Variants in IL1RAPL1 observed in about 807,000 individuals in gnomAD.
IL1RAPL1 encodes the protein interleukin-1 receptor accessory protein-like 1.
Under a neutral mutation model 48.4 loss-of-function variants are expected in IL1RAPL1, and 3 were observed. That is an observed-to-expected ratio of 0.06 (90% CI 0.03 to 0.16). The LOEUF (loss-of-function observed/expected upper bound fraction) is 0.16. IL1RAPL1 is among the 10% of genes least tolerant of loss of function. The probability of loss-of-function intolerance (pLI) is 1.00; values close to 1 mark genes in which losing one functional copy is unlikely to be tolerated. For synonymous variants in IL1RAPL1, 185 were observed against 187.7 expected, an observed-to-expected ratio of 0.99 and a Z score of 0.12; for missense variants, 349 against 530.6, an observed-to-expected ratio of 0.66 and a Z score of 3.36.
intron 6 of IL1RAPL1, among the ~76,000 whole-genome samples, chrX:29,857,688 G>A (rs1931500663): frequency 9.0e-6 from 1 of 111,502 alleles, no homozygotes; most frequent in African/African-American, 3.3e-5. Context: ...AGATTGAGAG[G>A]GGAAAAGCAT....
chrX:29,547,199 A>G (rs113291914), intron 5 of IL1RAPL1, among the ~76,000 whole-genome samples: 11,667 of 111,311 alleles, frequency 0.1, 1,152 homozygotes, highest in African/African-American at 0.3. Context: ...TTTTTTATAA[A>G]TAATTATATT....
intron 1 of IL1RAPL1, among the ~76,000 whole-genome samples, chrX:28,746,492 A>G (rs189788530): frequency 8.1e-4 from 91 of 111,963 alleles, no homozygotes; most frequent in Non-Finnish European, 1.5e-3. Flanking sequence ...TACATCTCCA[A>G]TCTTTTAATT....
At chrX:28,907,093 G>T (rs1923237657) in intron 2 of IL1RAPL1, among the ~76,000 whole-genome samples, 1 of 110,506 alleles carries the variant, frequency 9.0e-6, no homozygotes, top group Non-Finnish European at 1.9e-5. Context: ...TCTTTGTCTT[G>T]TTGGGGAAGT....
chrX:29,443,231 G>GCGCTCTCTCTCTCT (rs746994199), intron 5 of IL1RAPL1, among the ~76,000 whole-genome samples: 1 of 93,964 alleles, frequency 1.1e-5, no homozygotes, highest in Non-Finnish European at 2.1e-5. Flanking sequence ...GCTCTCGCTT[G>GCGCTCTCTCTCTCT]CTCTCTCTCT....
chrX:29,281,778 G>A (rs1181417882), intron 2 of IL1RAPL1, among the ~76,000 whole-genome samples: 1 of 112,172 alleles, frequency 8.9e-6, no homozygotes, highest in African/African-American at 3.2e-5. Flanking sequence ...GTAATGAAGG[G>A]ATTGGCTAGC....
intron 6 of IL1RAPL1, among the ~76,000 whole-genome samples, chrX:29,910,220 T>TGAGGGTG (rs1268380899): frequency 1.8e-5 from 2 of 110,392 alleles, no homozygotes; most frequent in Non-Finnish European, 3.8e-5. Flanking sequence ...CAGGTATACT[T>TGAGGGTG]GAGGGTGGAG....
intron 2 of IL1RAPL1, among the ~76,000 whole-genome samples, chrX:28,875,498 A>G (rs375391798): frequency 8.9e-5 from 10 of 112,020 alleles, no homozygotes; most frequent in African/African-American, 2.6e-4. Context: ...CTCTTGCTAT[A>G]TGTCTATTTC....
At chrX:28,805,471 C>G in intron 2 of IL1RAPL1, among the ~76,000 whole-genome samples, 1 of 111,342 alleles carries the variant, frequency 9.0e-6, no homozygotes, top group East Asian at 2.8e-4. Flanking sequence ...TTTCAAATGT[C>G]TTCTACCCTT....
intron 1 of IL1RAPL1, among the ~76,000 whole-genome samples, chrX:28,729,111 A>G (rs1303578797): frequency 1.8e-5 from 2 of 112,103 alleles, no homozygotes; most frequent in East Asian, 2.8e-4. Context: ...TAATTTGTGC[A>G]AATTTAAAAT....
chrX:29,106,637 C>T (rs1033707320), intron 2 of IL1RAPL1, among the ~76,000 whole-genome samples: 1 of 110,680 alleles, frequency 9.0e-6, no homozygotes, highest in Non-Finnish European at 1.9e-5. Flanking sequence ...TAATATTTCC[C>T]TTTGTATGTA....
intron 2 of IL1RAPL1, among the ~76,000 whole-genome samples, chrX:29,028,501 T>A (rs990103811): frequency 1.8e-5 from 2 of 109,861 alleles, no homozygotes; most frequent in African/African-American, 6.6e-5. Flanking sequence ...TTGGCCAGGA[T>A]GGTCTCGATC....
chrX:28,655,188 A>G (rs1414203392), intron 1 of IL1RAPL1, among the ~76,000 whole-genome samples: 1 of 111,680 alleles, frequency 9.0e-6, no homozygotes, highest in Non-Finnish European at 1.9e-5. Context: ...GGAAGAGCTG[A>G]TGAAACCAGG....
At chrX:29,585,609 A>G (rs184603843) in intron 5 of IL1RAPL1, among the ~76,000 whole-genome samples, 10 of 112,103 alleles carry the variant, frequency 8.9e-5, no homozygotes, top group Admixed American at 2.8e-4. Context: ...ACTGTTCTCC[A>G]TAACAGCTGT....
chrX:29,877,450 A>T (rs1931931141), intron 6 of IL1RAPL1, among the ~76,000 whole-genome samples: 1 of 112,080 alleles, frequency 8.9e-6, no homozygotes, highest in South Asian at 3.7e-4. Flanking sequence ...AGTTTGTAGA[A>T]GGGTCAAAAT....
At chrX:29,075,204 A>G (rs1927643511) in intron 2 of IL1RAPL1, among the ~76,000 whole-genome samples, 1 of 111,727 alleles carries the variant, frequency 9.0e-6, no homozygotes, top group African/African-American at 3.2e-5. Flanking sequence ...AGGGAAATGC[A>G]TGTATCACAG....
At chrX:28,976,949 A>G (rs1282094371) in intron 2 of IL1RAPL1, among the ~76,000 whole-genome samples, 2 of 112,442 alleles carry the variant, frequency 1.8e-5, no homozygotes, top group Non-Finnish European at 3.8e-5. Context: ...GAAAACAGCT[A>G]TAGATATCAG....
At chrX:29,384,564 A>T (rs982706791) in intron 3 of IL1RAPL1, among the ~76,000 whole-genome samples, 1 of 112,206 alleles carries the variant, frequency 8.9e-6, no homozygotes, top group Non-Finnish European at 1.9e-5. Flanking sequence ...AAAAATTATG[A>T]GATTTATTCT....
chrX:28,679,084 T>A (rs184085316), intron 1 of IL1RAPL1, among the ~76,000 whole-genome samples: 1 of 112,104 alleles, frequency 8.9e-6, no homozygotes, highest in African/African-American at 3.2e-5. Context: ...TTTCTCCACA[T>A]CCTCTCCAAC....
intron 6 of IL1RAPL1, among the ~76,000 whole-genome samples, chrX:29,764,043 T>C (rs1314840653): frequency 1.8e-5 from 2 of 111,530 alleles, no homozygotes; most frequent in Non-Finnish European, 3.8e-5. Flanking sequence ...ATGATGTAAA[T>C]TACAGTTTTA....
Sources: allele counts gnomAD v4.1 joint callset (sites outside exome capture counted in the v4.1 genomes callset), GRCh38; gene constraint gnomAD v4.1.1; transcripts MANE v1.5; gene names NCBI Gene and HGNC (gene_info 2026-07-23, HGNC 2026-07-21).